Variants in AP4S1 observed in about 807,000 individuals in gnomAD.
AP4S1 encodes AP-4 complex subunit sigma-1.
AP4S1 carries 23 observed loss-of-function variants against 19.8 expected under a neutral mutation model. The ratio of observed to expected loss-of-function variants is 1.16; its 90% CI spans 0.84 to 1.65. The LOEUF is 1.65. Among genes scored for constraint, AP4S1 ranks in the 40% most tolerant of loss-of-function variants. The probability of loss-of-function intolerance (pLI) is 0.00; values close to 1 mark genes in which losing one functional copy is unlikely to be tolerated. For synonymous variants in AP4S1, 46 were observed against 54.1 expected, an observed-to-expected ratio of 0.85 and a Z score of 0.66; for missense variants, 166 against 172.8, an observed-to-expected ratio of 0.96 and a Z score of 0.22.
chr14:31,045,509 A>G (rs1885346035), intron 1 of AP4S1, among the ~76,000 whole-genome samples: 1 of 152,092 alleles, frequency 6.6e-6, no homozygotes, highest in Non-Finnish European at 1.5e-5. Context: ...CTGCCTTGTG[A>G]AGAAGGTTAC....
At chr14:31,080,870 C>G (rs2139099320) in intron 5 of AP4S1, among the ~76,000 whole-genome samples, 1 of 152,306 alleles carries the variant, frequency 6.6e-6, no homozygotes, top group African/African-American at 2.4e-5. Flanking sequence ...CAATTTCCAC[C>G]TCACTGCAAC....
At chr14:31,069,973 C>G (rs1283610854) in intron 3 of AP4S1, 44 bp downstream of exon 3, 1 of 1,457,170 alleles carries the variant, frequency 6.9e-7, no homozygotes, top group East Asian at 2.3e-5. Context: ...GAATTTCTTT[C>G]TACTTGCCTC....
chr14:31,080,943 C>A (rs1367060106), intron 5 of AP4S1, among the ~76,000 whole-genome samples: 1 of 152,094 alleles, frequency 6.6e-6, no homozygotes, highest in Non-Finnish European at 1.5e-5. Flanking sequence ...GGGCGCCCAC[C>A]ACCACGCCCA....
intron 4 of AP4S1, 54 bp from the exon 5 acceptor site, chr14:31,080,516 GAGC>G: frequency 7.0e-7 from 1 of 1,430,556 alleles, no homozygotes; most frequent in Non-Finnish European, 9.8e-7. Context: ...ACTCTGCTAA[GAGC>G]AGTGGTCCCC....
intron 1 of AP4S1, among the ~76,000 whole-genome samples, chr14:31,046,799 T>A (rs1346693154): frequency 6.9e-6 from 1 of 144,628 alleles, no homozygotes; most frequent in African/African-American, 2.6e-5. Flanking sequence ...TGAGCCGAGA[T>A]CGTACCACTG....
chr14:31,080,586 T>C lies in AP4S1; in HGVS notation c.306+2T>C. 6.2e-7 allele frequency: 1 copy of C among 1,613,458 alleles called. No individual in the cohort carries two copies. Among genetic ancestry groups the C allele is most frequent in the African/African-American group, 1.3e-5 (1 of 75,046 alleles). ...TCTGTCTTCCAGAGTGAATTAGATG[T>C]ATCCTTTTTCAATACTGTTTTCCAC... is the stretch of plus-strand genomic sequence containing the variant. On this transcript the variant is annotated splice_donor_variant, in intron 5 of 5. Coordinates refer to ENST00000542754, the MANE Select transcript of AP4S1 (RefSeq NM_001128126.3). LOFTEE classifies it high-confidence loss of function.
At chr14:31,055,119 T>TTA (rs199927064) in intron 1 of AP4S1, among the ~76,000 whole-genome samples, 22 of 149,464 alleles carry the variant, frequency 1.5e-4, no homozygotes, top group South Asian at 1.3e-3. Flanking sequence ...ATATATTACA[T>TTA]TATATATATA....
intron 1 of AP4S1, among the ~76,000 whole-genome samples, chr14:31,036,973 C>T (rs763776637): frequency 6.6e-5 from 10 of 152,148 alleles, no homozygotes; most frequent in Non-Finnish European, 1.0e-4. Flanking sequence ...CCACTATGCC[C>T]GGCTAATTTT....
chr14:31,070,882 C>T (rs1886962351), intron 3 of AP4S1, among the ~76,000 whole-genome samples: 2 of 152,128 alleles, frequency 1.3e-5, no homozygotes, highest in African/African-American at 4.8e-5. Flanking sequence ...GAAACCCCGT[C>T]TCTACTAAAA....
intron 1 of AP4S1, among the ~76,000 whole-genome samples, chr14:31,059,404 A>T (rs1886305575): frequency 6.6e-6 from 1 of 152,184 alleles, no homozygotes. Context: ...ATCTTTTTAC[A>T]TCTCATTTTA....
intron 5 of AP4S1, among the ~76,000 whole-genome samples, chr14:31,088,250 T>C (rs537211722): frequency 1.0e-3 from 156 of 152,286 alleles, no homozygotes; most frequent in African/African-American, 3.4e-3. Flanking sequence ...TCCGCCAGCA[T>C]TCCTCACCAC....
rs144232957 is a variant in AP4S1, at chr14:31,069,162, G to A, written c.139-681G>A. ...ACTCTCCACCTCCCATCCACTCAGC[G>A]CCTTCCCATAACTCTTTGTACAAAG... On this transcript the variant is annotated intron_variant, in intron 2 of 5. Transcript: ENST00000542754. Among the ~76,000 whole-genome samples the A allele has an allele frequency of 2.6e-3, 402 of 152,164 alleles. 1 individual carries two copies. The highest frequency in any genetic ancestry group is 9.1e-3 in the African/African-American group (376 of 41,518).
At chr14:31,044,203 G>A (rs961054245) in intron 1 of AP4S1, among the ~76,000 whole-genome samples, 1 of 152,046 alleles carries the variant, frequency 6.6e-6, no homozygotes, top group Non-Finnish European at 1.5e-5. Context: ...CCTACTATCC[G>A]GAGTTAAGCA....
chr14:31,033,668 A>G (rs1884548846), intron 1 of AP4S1, among the ~76,000 whole-genome samples: 1 of 152,204 alleles, frequency 6.6e-6, no homozygotes, highest in African/African-American at 2.4e-5. Context: ...CCATGCTTCA[A>G]CCTGCCAAAT....
intron 1 of AP4S1, among the ~76,000 whole-genome samples, chr14:31,034,959 T>C (rs1463675524): frequency 6.6e-6 from 1 of 152,004 alleles, no homozygotes; most frequent in East Asian, 1.9e-4. Context: ...GAACTTCAGT[T>C]ATGGAAAAAC....
chr14:31,051,487 A>AT (rs1885792270), intron 1 of AP4S1, among the ~76,000 whole-genome samples: 1 of 152,226 alleles, frequency 6.6e-6, no homozygotes, highest in Admixed American at 6.5e-5. Flanking sequence ...CCTGACCAAC[A>AT]TGGAGAAACA....
At chr14:31,055,375 G>A (rs1487020915) in intron 1 of AP4S1, among the ~76,000 whole-genome samples, 2 of 152,128 alleles carry the variant, frequency 1.3e-5, no homozygotes, top group Non-Finnish European at 2.9e-5. Flanking sequence ...GATGACACTG[G>A]CTAATCCTTA....
At chr14:31,052,951 T>C (rs1448702622) in intron 1 of AP4S1, among the ~76,000 whole-genome samples, 3 of 148,252 alleles carry the variant, frequency 2.0e-5, no homozygotes, top group Non-Finnish European at 4.5e-5. Flanking sequence ...TTTTTTTTTT[T>C]TTTTTTGAGA....
chr14:31,032,486 C>T (rs1275704406), intron 1 of AP4S1, among the ~76,000 whole-genome samples: 2 of 151,432 alleles, frequency 1.3e-5, no homozygotes, highest in East Asian at 3.9e-4. Context: ...CCTCTGAGGA[C>T]TGTATAGCTC....
Sources: allele counts gnomAD v4.1 joint callset (sites outside exome capture counted in the v4.1 genomes callset), GRCh38; gene constraint gnomAD v4.1.1; transcripts MANE v1.5; gene names NCBI Gene and HGNC (gene_info 2026-07-23, HGNC 2026-07-21).